The following ATP8A2 variants were observed in gnomAD, a reference collection of about 807,000 sequenced individuals.
ATP8A2 encodes the protein phospholipid-transporting ATPase IB.
In ATP8A2, 100 loss-of-function variants were observed where a neutral mutation model predicts 165.6. The observed-to-expected ratio is 0.60, with a 90% CI of 0.51 to 0.71. The LOEUF is 0.71. ATP8A2 is among the 30% of genes least tolerant of loss of function. The pLI is 0.00. For missense variants in ATP8A2, 1,227 were observed against 1,479.5 expected, an observed-to-expected ratio of 0.83 and a Z score of 2.80; for synonymous variants, 543 against 548.8, an observed-to-expected ratio of 0.99 and a Z score of 0.15.
chr13:25,448,404 GA>G (rs993876855), intron 1 of ATP8A2, among the ~76,000 whole-genome samples: 1 of 152,026 alleles, frequency 6.6e-6, no homozygotes, highest in African/African-American at 2.4e-5. Flanking sequence ...AAAGTCAACA[GA>G]AAAAAACTGA....
chr13:25,695,586 T>C (rs923976421), intron 24 of ATP8A2, among the ~76,000 whole-genome samples: 1 of 152,206 alleles, frequency 6.6e-6, no homozygotes, highest in Non-Finnish European at 1.5e-5. Context: ...GCTAAATCCT[T>C]TGTTGTCATT....
intron 33 of ATP8A2, among the ~76,000 whole-genome samples, chr13:25,955,080 T>C (rs898473316): frequency 3.9e-5 from 6 of 152,134 alleles, no homozygotes; most frequent in African/African-American, 1.4e-4. Context: ...TCTAATCCAA[T>C]GCAAGGAAGC....
At chr13:25,900,016 A>G (rs1402039965) in intron 33 of ATP8A2, among the ~76,000 whole-genome samples, 1 of 152,240 alleles carries the variant, frequency 6.6e-6, no homozygotes, top group Non-Finnish European at 1.5e-5. Context: ...CAGGGACTGG[A>G]GTAGAAGCTG....
chr13:25,679,051 C>T (rs1405715831), intron 24 of ATP8A2, among the ~76,000 whole-genome samples: 1 of 152,000 alleles, frequency 6.6e-6, no homozygotes, highest in Non-Finnish European at 1.5e-5. Flanking sequence ...ATAAAGGCTT[C>T]TAGTAAGAAT....
intron 33 of ATP8A2, among the ~76,000 whole-genome samples, chr13:25,930,454 C>T (rs1003128840): frequency 1.3e-5 from 2 of 151,734 alleles, no homozygotes; most frequent in Non-Finnish European, 2.9e-5. Flanking sequence ...CTGTGTGCAG[C>T]TCCCCAAACT....
intron 10 of ATP8A2, among the ~76,000 whole-genome samples, chr13:25,548,224 TC>T: frequency 6.6e-6 from 1 of 151,406 alleles, no homozygotes; most frequent in South Asian, 2.1e-4. Context: ...AGACTCTGTC[TC>T]CAAAAAACAA....
chr13:25,458,559 ATTTTAAG>A (rs2035423743), intron 1 of ATP8A2, among the ~76,000 whole-genome samples: 1 of 152,218 alleles, frequency 6.6e-6, no homozygotes, highest in African/African-American at 2.4e-5. Context: ...AGCCACTATA[ATTTTAAG>A]GAGTGTTTGG....
Position 25,595,606 on chromosome 13 carries a change from C to T in ATP8A2, c.2211+5907C>T, listed in dbSNP as rs112575811. Among the ~76,000 whole-genome samples, 180 of 152,092 alleles carry T rather than the reference C, an allele frequency of 1.2e-3. 3 individuals carry two copies. The highest frequency in any genetic ancestry group is 4.0e-3 in the African/African-American group (167 of 41,484). Reference sequence around the variant, plus strand: ...TTATTGGCAACATCAGAGTTGCTCCCCTCGATTGGGCCCCTGGATGACTTT... The same window carrying T: ...TTATTGGCAACATCAGAGTTGCTCCTCTCGATTGGGCCCCTGGATGACTTT... On this transcript the variant is annotated intron_variant, in intron 24 of 36. Coordinates refer to ENST00000381655, the MANE Select transcript of ATP8A2 (RefSeq NM_016529.6).
intron 25 of ATP8A2, among the ~76,000 whole-genome samples, chr13:25,709,392 G>A (rs2043115739): frequency 6.6e-6 from 1 of 152,192 alleles, no homozygotes; most frequent in Non-Finnish European, 1.5e-5. Context: ...ATGGATGGGT[G>A]TGGTATGAAG....
rs1593647075 is a variant in ATP8A2 at position 25,970,486 on chromosome 13, A to T, written c.3377+1807A>T. On this transcript the variant is annotated intron_variant, in intron 35 of 36. Coordinates refer to ENST00000381655, the MANE Select transcript of ATP8A2 (RefSeq NM_016529.6). The stretch of plus-strand genomic sequence containing the variant: ...CTCAGGTCCAACACTGTGTGCAGGG[A>T]CCAACCACCCAGTTTGGAGGGCCAC... 2.6e-5 allele frequency among the ~76,000 whole-genome samples: 4 copies of T among 152,358 alleles called. No individual in the cohort carries two copies. In the South Asian group the frequency reaches 8.3e-4, roughly 32 times the overall value.
At chr13:25,770,585 A>G (rs2044598375) in intron 26 of ATP8A2, among the ~76,000 whole-genome samples, 1 of 152,260 alleles carries the variant, frequency 6.6e-6, no homozygotes, top group African/African-American at 2.4e-5. Flanking sequence ...CTCTGCATGA[A>G]TTACTCTTTC....
rs1345363989 is a variant in ATP8A2, at chr13:25,465,663, T to TTTTCTCTC, written c.77-3309_77-3308insCTCTTTCT. On this transcript the variant is annotated intron_variant, in intron 1 of 36. Transcript: ENST00000381655. The stretch of plus-strand genomic sequence containing the variant: ...TCACCTCCCCAGAAATCTTGCAGAG[T>TTTTCTCTC]TTTCTTTCTTTCTTTCTTTCTTTCT... Among the ~76,000 whole-genome samples, 165 of 86,450 alleles carry TTTTCTCTC rather than the reference T, an allele frequency of 1.9e-3. 6 individuals are homozygous for TTTTCTCTC. Among genetic ancestry groups the TTTTCTCTC allele is most frequent in the Non-Finnish European group, 2.6e-3 (110 of 42,078 alleles). The allele number at this position is 86,450 out of a possible 152,430, so 56.7% of individuals were successfully genotyped here.
chr13:25,928,537 A>G (rs1174173256), intron 33 of ATP8A2, among the ~76,000 whole-genome samples: 2 of 152,352 alleles, frequency 1.3e-5, no homozygotes, highest in African/African-American at 2.4e-5. Context: ...TCGAAAGCCA[A>G]CCTTTAAAGA....
chr13:25,414,105 C>A (rs757017124), intron 1 of ATP8A2, among the ~76,000 whole-genome samples: 1 of 151,912 alleles, frequency 6.6e-6, no homozygotes, highest in African/African-American at 2.4e-5. Context: ...CCCACAGAGA[C>A]CAGATGACTT....
At chr13:25,540,693 C>A (rs527580316) in intron 8 of ATP8A2, among the ~76,000 whole-genome samples, 1 of 152,176 alleles carries the variant, frequency 6.6e-6, no homozygotes, top group South Asian at 2.1e-4. Flanking sequence ...AAGGACACAG[C>A]TTAGTGGACA....
At chr13:25,470,143 A>G (rs1467843046) in intron 2 of ATP8A2, among the ~76,000 whole-genome samples, 1 of 152,224 alleles carries the variant, frequency 6.6e-6, no homozygotes, top group Admixed American at 6.5e-5. Context: ...TTAGCCTGAC[A>G]TCTTTATTTA....
intron 24 of ATP8A2, among the ~76,000 whole-genome samples, chr13:25,684,923 C>T (rs2042569476): frequency 6.6e-6 from 1 of 152,066 alleles, no homozygotes; most frequent in Admixed American, 6.5e-5. Context: ...GAGTCTTGGG[C>T]TTATTACATT....
chr13:25,840,686 A>C (rs1951730577), intron 30 of ATP8A2, among the ~76,000 whole-genome samples: 1 of 152,224 alleles, frequency 6.6e-6, no homozygotes, highest in South Asian at 2.1e-4. Flanking sequence ...AGTGGATTTA[A>C]TTTATTTTAA....
intron 35 of ATP8A2, among the ~76,000 whole-genome samples, chr13:25,976,318 G>T (rs1042956257): frequency 6.6e-6 from 1 of 152,144 alleles, no homozygotes; most frequent in African/African-American, 2.4e-5. Flanking sequence ...TGCAGCAAAT[G>T]AAAGTTTCCT....
Sources: gnomAD v4.1 joint callset for allele counts (sites outside exome capture counted in the v4.1 genomes callset) on GRCh38, gnomAD v4.1.1 for gene constraint, MANE v1.5 for transcripts, NCBI Gene and HGNC (gene_info 2026-07-23, HGNC 2026-07-21) for gene names.